ABCC1: variants seen among roughly 807,000 people sequenced by gnomAD.
The protein encoded by ABCC1 is ATP binding cassette subfamily C member 1 (ABCC1 blood group), also known as multidrug resistance-associated protein 1.
A neutral mutation model predicts 172.9 loss-of-function variants in ABCC1; 83 were observed. The observed-to-expected ratio is 0.48, with a 90% CI of 0.40 to 0.58. The LOEUF (loss-of-function observed/expected upper bound fraction) is 0.58, where lower values mean the gene tolerates loss of function less well. Ranked by LOEUF, ABCC1 falls within the 20% of genes least tolerant of loss-of-function variation. The pLI is 0.00. For missense variants in ABCC1, 1,817 were observed against 2,002.7 expected (o/e 0.91, Z 1.77); for synonymous variants, 937 against 825.2 (o/e 1.14, Z -2.32).
intron 1 of ABCC1, among the ~76,000 whole-genome samples, chr16:15,959,370 G>T (rs2046077035): frequency 6.6e-6 from 1 of 152,104 alleles, no homozygotes; most frequent in African/African-American, 2.4e-5. Context: ...CTGTCACCCA[G>T]GCTGGAGTGC....
At chr16:16,069,037 A>G (rs924493123) in intron 13 of ABCC1, among the ~76,000 whole-genome samples, 3 of 150,262 alleles carry the variant, frequency 2.0e-5, no homozygotes, top group Admixed American at 2.0e-4. Flanking sequence ...GCCGGGCATG[A>G]TGGTACATGC....
chr16:15,970,368 C>T (rs1198844552), intron 1 of ABCC1, among the ~76,000 whole-genome samples: 1 of 152,198 alleles, frequency 6.6e-6, no homozygotes, highest in Admixed American at 6.5e-5. Context: ...TGGCTTGTAC[C>T]TAGTCATGTG....
At chr16:16,102,839 C>A in intron 20 of ABCC1, 122 bp downstream of exon 20, 1 of 846,926 alleles carries the variant, frequency 1.2e-6, no homozygotes, top group South Asian at 1.7e-5. Flanking sequence ...TTTACCTTCC[C>A]TCCCAAATCC....
chr16:15,958,215 G>C (rs2046045375), intron 1 of ABCC1, among the ~76,000 whole-genome samples: 1 of 152,094 alleles, frequency 6.6e-6, no homozygotes, highest in African/African-American at 2.4e-5. Context: ...CAGTGATTCT[G>C]CTGCCTCAGC....
At chr16:16,114,730 T>C (rs28364007) in intron 22 of ABCC1, 36 bp from the exon 23 acceptor site, 218 of 1,553,880 alleles carry the variant, frequency 1.4e-4, no homozygotes, top group Non-Finnish European at 9.2e-5. Context: ...CAGCTCCCTC[T>C]CTGCATTGTG....
intron 3 of ABCC1, among the ~76,000 whole-genome samples, chr16:16,011,387 G>T (rs965146415): frequency 6.6e-5 from 10 of 152,126 alleles, no homozygotes; most frequent in Non-Finnish European, 8.8e-5. Context: ...GTGAAGGTTG[G>T]GGGGATAGAG....
intron 12 of ABCC1, among the ~76,000 whole-genome samples, chr16:16,059,935 G>A (rs553647197): frequency 2.0e-5 from 3 of 151,994 alleles, no homozygotes; most frequent in Admixed American, 6.6e-5. Flanking sequence ...GGCGGAGATC[G>A]CAGCGAGCTG....
chr16:16,043,355 A>G (rs1340697771), intron 7 of ABCC1, among the ~76,000 whole-genome samples: 9 of 150,428 alleles, frequency 6.0e-5, no homozygotes, highest in Non-Finnish European at 1.3e-4. Context: ...CTGGAGTGCA[A>G]TGGTGTGGTC....
At chr16:16,029,256 A>G (rs1249534929) in intron 5 of ABCC1, among the ~76,000 whole-genome samples, 4 of 152,012 alleles carry the variant, frequency 2.6e-5, no homozygotes, top group Admixed American at 6.6e-5. Flanking sequence ...ACAGGGTCTC[A>G]CTATTACCCA....
In ABCC1 at chr16:15,975,702, A is replaced by G. The variant is rs1231340256; in HGVS notation, c.48+25903A>G. Reference sequence around the variant, plus strand: ...TTCCTGAGTAGCTGGGATTACAGGCATGCGCCACCATCTCTGGCTAATTTT... The same window carrying G: ...TTCCTGAGTAGCTGGGATTACAGGCGTGCGCCACCATCTCTGGCTAATTTT... On this transcript the variant is annotated intron_variant, in intron 1 of 30. Coordinates refer to ENST00000399410, the MANE Select transcript of ABCC1 (RefSeq NM_004996.4). Among the ~76,000 whole-genome samples, 6 of 151,582 alleles carry G rather than the reference A, an allele frequency of 4.0e-5. No individual in the cohort carries two copies. The East Asian group carries it at 1.2e-3, about 30-fold the overall frequency.
chr16:16,102,843 C>T, intron 20 of ABCC1, 126 bp downstream of exon 20: 2 of 837,992 alleles, frequency 2.4e-6, no homozygotes, highest in Non-Finnish European at 3.7e-6. Context: ...CCTTCCCTCC[C>T]AAATCCTCCA....
At chr16:16,071,866 G>C (rs2050364376) in intron 14 of ABCC1, 137 bp downstream of exon 14, 1 of 763,436 alleles carries the variant, frequency 1.3e-6, no homozygotes, top group East Asian at 2.7e-5. Flanking sequence ...AGACCCCGGG[G>C]GACAAGGGTT....
chr16:15,983,922 T>C (rs564885535), intron 1 of ABCC1, among the ~76,000 whole-genome samples: 1 of 152,188 alleles, frequency 6.6e-6, no homozygotes, highest in Non-Finnish European at 1.5e-5. Context: ...GCTACTGTTC[T>C]GTTTCTCACT....
At chr16:16,129,875 T>C (rs777072767) in intron 26 of ABCC1, among the ~76,000 whole-genome samples, 73 of 152,190 alleles carry the variant, frequency 4.8e-4, no homozygotes, top group Non-Finnish European at 9.3e-4. Flanking sequence ...AAGGGCTGCA[T>C]GTCTTGCCTA....
chr16:16,118,037 G>T (rs757969599), intron 23 of ABCC1, among the ~76,000 whole-genome samples: 1 of 152,162 alleles, frequency 6.6e-6, no homozygotes, highest in African/African-American at 2.4e-5. Context: ...TTAGGATATC[G>T]CAGGATAGAT....
rs368336559 is a variant in ABCC1 at position 16,036,554 on chromosome 16, G to A, written c.760G>A (p.Val254Met). 42 of 1,613,978 alleles carry A rather than the reference G, an allele frequency of 2.6e-5. No individual in the cohort carries two copies. The highest frequency in any genetic ancestry group is 3.4e-5 in the Non-Finnish European group (40 of 1,179,954). The part of the protein sequence containing the change: ...LNKEDTSEQV[V>M]PVLVKNWKKE... ...CAAGGAGGACACGTCGGAACAAGTC[G>A]TGCCTGTTTTGGTAAAGAACTGGAA... is the stretch of plus-strand genomic sequence containing the variant. Residue 254 changes from valine (V) to methionine (M), a missense_variant, in exon 7 of 31, where the codon GTG (valine) becomes ATG (methionine). Physicochemically the swap from Val to Met is conservative, Grantham distance 21. This residue lies in a region of ABCC1 where 398 missense variants were observed against 384.2 expected (regional missense o/e 1.04). Coordinates refer to ENST00000399410, the MANE Select transcript of ABCC1 (RefSeq NM_004996.4).
At chr16:16,000,558 G>T (rs1271230361) in intron 1 of ABCC1, among the ~76,000 whole-genome samples, 1 of 152,184 alleles carries the variant, frequency 6.6e-6, no homozygotes, top group African/African-American at 2.4e-5. Context: ...CAATTAGGAA[G>T]TGAGTGGTCA....
At chr16:16,020,880 C>T (rs575732233) in intron 5 of ABCC1, among the ~76,000 whole-genome samples, 96 of 152,274 alleles carry the variant, frequency 6.3e-4, no homozygotes, top group Non-Finnish European at 1.2e-3. Flanking sequence ...GACAAACAAT[C>T]GCAGACATAA....
chr16:16,016,011 C>T (rs562745006), intron 4 of ABCC1, among the ~76,000 whole-genome samples: 1 of 152,258 alleles, frequency 6.6e-6, no homozygotes, highest in Admixed American at 6.5e-5. Context: ...CATCAGGCAG[C>T]GGTGAGCAGT....
Sources: gnomAD v4.1 joint callset for allele counts (sites outside exome capture counted in the v4.1 genomes callset) on GRCh38, gnomAD v4.1.1 for gene constraint, gnomAD v4.1.1 regional missense constraint, MANE v1.5 for transcripts, NCBI Gene and HGNC (gene_info 2026-07-23, HGNC 2026-07-21) for gene names.